CDON: variants seen among roughly 807,000 people sequenced by gnomAD.
CDON encodes the protein cell adhesion associated, oncogene regulated.
In CDON, 73 loss-of-function variants were observed where a neutral mutation model predicts 120.9. The ratio of observed to expected loss-of-function variants is 0.60; its 90% CI spans 0.50 to 0.73. CDON has a LOEUF of 0.73. Ranked by LOEUF, CDON falls within the 30% of genes least tolerant of loss-of-function variation. The pLI, the probability that CDON is intolerant of heterozygous loss-of-function variation, is 0.00. For synonymous variants in CDON, 566 were observed against 573.5 expected (o/e 0.99, Z 0.19); for missense variants, 1,470 against 1,587.3 (o/e 0.93, Z 1.26).
intron 18 of CDON, among the ~76,000 whole-genome samples, chr11:125,973,018 CTTT>C (rs35828939): frequency 9.3e-4 from 81 of 87,028 alleles, no homozygotes; most frequent in Middle Eastern, 0.019. Context: ...ATTACTTGGT[CTTT>C]TTTTTTTTTT....
intron 1 of CDON, among the ~76,000 whole-genome samples, chr11:126,060,066 G>A (rs1272662577): frequency 6.6e-6 from 1 of 152,080 alleles, no homozygotes; most frequent in African/African-American, 2.4e-5. Flanking sequence ...CCCCTGTGCT[G>A]TTGAAAGTGA....
At chr11:126,037,046 G>A (rs1480417301) in intron 1 of CDON, among the ~76,000 whole-genome samples, 5 of 151,860 alleles carry the variant, frequency 3.3e-5, no homozygotes, top group Non-Finnish European at 5.9e-5. Flanking sequence ...AGGATTATAA[G>A]AATGCTGGGG....
rs1046473129 is a variant in CDON at position 126,049,020 on chromosome 11, C to T, written c.-62+13559G>A. Among the ~76,000 whole-genome samples the T allele has an allele frequency of 7.2e-5, 11 of 151,984 alleles. 1 individual carries two copies. Among genetic ancestry groups the T allele is most frequent in the Non-Finnish European group, 1.0e-4 (7 of 67,990 alleles). On this transcript the variant is annotated intron_variant, in intron 1 of 19. Coordinates refer to ENST00000531738, the MANE Select transcript of CDON (RefSeq NM_001378964.1). Reference sequence around the variant, plus strand: ...GCGTGAGCCAACAGGCGTGAGCCACCGCGCCCAGCCCAATTTAATTCTTTA... The same window carrying T: ...GCGTGAGCCAACAGGCGTGAGCCACTGCGCCCAGCCCAATTTAATTCTTTA...
intron 1 of CDON, among the ~76,000 whole-genome samples, chr11:126,031,124 A>T (rs1378636930): frequency 6.6e-6 from 1 of 152,204 alleles, no homozygotes; most frequent in East Asian, 1.9e-4. Context: ...AAAGCAGAGG[A>T]ATTCATCTTT....
intron 1 of CDON, among the ~76,000 whole-genome samples, chr11:126,062,353 C>G (rs1254062157): frequency 6.6e-6 from 1 of 152,146 alleles, no homozygotes; most frequent in Non-Finnish European, 1.5e-5. Context: ...CCCGCCTCCT[C>G]CCGCGAGGTG....
rs144423020 is a variant in CDON at position 126,010,639 on chromosome 11, G to A, written c.1254C>T (p.Asp418=). 28 of 1,614,072 alleles carry A rather than the reference G, an allele frequency of 1.7e-5. No homozygotes were observed. Among genetic ancestry groups the A allele is most frequent in the African/African-American group, 2.7e-5 (2 of 74,942 alleles). The stretch of plus-strand genomic sequence containing the variant: ...TGCAGGACAGAGTAACAAAGTCTCC[G>A]TCTGCAACCTTTGCACTTACTGGTG... ...ITAPVSAKVA[D]GDFVTLSCNA... is the part of the protein sequence containing the mutation. The change falls in exon 8 of 20, where the codon GAC becomes GAT. Residue 418 remains aspartate (D), a synonymous_variant. Transcript: ENST00000531738.
At chr11:126,018,265 T>C (rs781121587) in intron 5 of CDON, 65 bp downstream of exon 5, 25 of 1,506,402 alleles carry the variant, frequency 1.7e-5, no homozygotes, top group African/African-American at 2.8e-5. Flanking sequence ...AAATGAACTA[T>C]CATTGCCCAA....
chr11:126,028,185 A>C (rs1289734125), intron 1 of CDON, among the ~76,000 whole-genome samples: 2 of 152,072 alleles, frequency 1.3e-5, no homozygotes, highest in East Asian at 3.8e-4. Flanking sequence ...AAAATACATA[A>C]ACGTATAAAA....
Position 125,958,388 on chromosome 11 carries a change from A to G in CDON, c.*2554T>C, listed in dbSNP as rs1242354650. On this transcript the variant is annotated 3_prime_UTR_variant, in exon 20 of 20. Transcript: ENST00000531738. ...AAGCACCGAGCACAGTGCCTGGTAC[A>G]CAGTAGTTATTCAGCACGTGTTAGT... 1 of 152,126 alleles carries G rather than the reference A, an allele frequency of 6.6e-6. No individual in the cohort carries two copies. The highest frequency in any genetic ancestry group is 1.5e-5 in the Non-Finnish European group (1 of 68,030). The allele number at this position is 152,126 out of a possible 1,614,324, so 9.4% of individuals were successfully genotyped here. A position where few individuals can be genotyped will look rare whatever the true frequency, so the allele number is the denominator to read the frequency against.
At chr11:126,061,579 T>C (rs111735911) in intron 1 of CDON, among the ~76,000 whole-genome samples, 23,791 of 152,224 alleles carry the variant, frequency 0.16, 2,543 homozygotes, top group Non-Finnish European at 0.23. Flanking sequence ...CAAGTGTCAG[T>C]TGGGAATTTG....
rs939239049 is a variant in CDON at position 125,959,909 on chromosome 11, C to T, written c.*1033G>A. The T allele has an allele frequency of 5.9e-4, 89 of 152,074 alleles. No homozygotes were observed. Among genetic ancestry groups the T allele is most frequent in the African/African-American group, 2.1e-3 (85 of 41,406 alleles). 9.4% of individuals were successfully genotyped at this position (152,074 alleles called of 1,614,324 possible). Reference sequence around the variant, plus strand: ...AACAGTCAAAAAGAGCCCATAGTGGCCATTTTATAAATTAATGTAATTTTA... The same window carrying T: ...AACAGTCAAAAAGAGCCCATAGTGGTCATTTTATAAATTAATGTAATTTTA... On this transcript the variant is annotated 3_prime_UTR_variant, in exon 20 of 20. Coordinates refer to ENST00000531738, the MANE Select transcript of CDON (RefSeq NM_001378964.1).
At chr11:126,012,393 G>C (rs1331483592) in intron 7 of CDON, among the ~76,000 whole-genome samples, 1 of 151,908 alleles carries the variant, frequency 6.6e-6, no homozygotes, top group Non-Finnish European at 1.5e-5. Flanking sequence ...CTGGTATGCA[G>C]AAAGGCAACT....
At chr11:125,972,595 C>T (rs1447502000) in intron 18 of CDON, among the ~76,000 whole-genome samples, 1 of 152,176 alleles carries the variant, frequency 6.6e-6, no homozygotes, top group African/African-American at 2.4e-5. Flanking sequence ...CTTTTCACAT[C>T]ATACTCTCAT....
At chr11:126,046,767 GC>G (rs1445430302) in intron 1 of CDON, among the ~76,000 whole-genome samples, 1 of 152,088 alleles carries the variant, frequency 6.6e-6, no homozygotes, top group Non-Finnish European at 1.5e-5. Context: ...TCTGGGTGGG[GC>G]TGACAGTATG....
chr11:126,035,414 T>C (rs1948069401), intron 1 of CDON, among the ~76,000 whole-genome samples: 1 of 152,200 alleles, frequency 6.6e-6, no homozygotes, highest in Non-Finnish European at 1.5e-5. Flanking sequence ...AAGTACCTTA[T>C]TCCATCTTTA....
At position 125,959,974 on chromosome 11, in the gene CDON, T is replaced by C. The variant is rs1945596996; in HGVS notation, c.*968A>G. 1 of 152,196 alleles carries C rather than the reference T, an allele frequency of 6.6e-6. No individual in the cohort carries two copies. Among genetic ancestry groups the C allele is most frequent in the Non-Finnish European group, 1.5e-5 (1 of 68,032 alleles). 9.4% of individuals were successfully genotyped at this position (152,196 alleles called of 1,614,324 possible). A position where few individuals can be genotyped will look rare whatever the true frequency, so the allele number is the denominator to read the frequency against. The stretch of plus-strand genomic sequence containing the variant: ...GAGGCATTATTTGTCTCTCTGGCCT[T>C]GGTTCCTTTTCTGCATACTGCCGTA... On this transcript the variant is annotated 3_prime_UTR_variant, in exon 20 of 20. Coordinates refer to ENST00000531738, the MANE Select transcript of CDON (RefSeq NM_001378964.1).
At position 125,980,818 on chromosome 11, in the gene CDON, G is replaced by A. The variant is rs545474800; in HGVS notation, c.3276+231C>T. Among the ~76,000 whole-genome samples, 7 of 152,310 alleles carry A rather than the reference G, an allele frequency of 4.6e-5. No individual in the cohort carries two copies. The East Asian group carries it at 1.3e-3, about 29-fold the overall frequency. ...TCACTGCTGGTATTCCACTTTCAGT[G>A]TTAAATAATTTTAAAATGAAACTAA... is the stretch of plus-strand genomic sequence containing the variant. On this transcript the variant is annotated intron_variant, in intron 17 of 19. Coordinates refer to ENST00000531738, the MANE Select transcript of CDON (RefSeq NM_001378964.1).
In CDON at chr11:126,029,937, T is replaced by C. The variant is rs78580603; in HGVS notation, c.-61-6400A>G. On this transcript the variant is annotated intron_variant, in intron 1 of 19. Coordinates refer to ENST00000531738, the MANE Select transcript of CDON (RefSeq NM_001378964.1). ...TAAGTGTAGTAAAACCATTAAACCA[T>C]CTACAAAGCAGGACAACTTATTGCT... Among the ~76,000 whole-genome samples the C allele has an allele frequency of 1.9e-4, 29 of 152,278 alleles. No homozygotes were observed. In the East Asian group the frequency reaches 4.6e-3, roughly 24 times the overall value.
chr11:125,992,245 G>T (rs1359404971), intron 14 of CDON, among the ~76,000 whole-genome samples: 1 of 152,084 alleles, frequency 6.6e-6, no homozygotes, highest in Non-Finnish European at 1.5e-5. Flanking sequence ...TCACTATTAG[G>T]TTGGTGCAAA....
Sources: gnomAD v4.1 joint callset for allele counts (sites outside exome capture counted in the v4.1 genomes callset) on GRCh38, gnomAD v4.1.1 for gene constraint, MANE v1.5 for transcripts, NCBI Gene and HGNC (gene_info 2026-07-23, HGNC 2026-07-21) for gene names.